The following PCDHA2 variants were observed in gnomAD, a reference collection of about 807,000 sequenced individuals.
PCDHA2 encodes protocadherin alpha 2.
In PCDHA2, 58 loss-of-function variants were observed where a neutral mutation model predicts 66.0. The observed-to-expected ratio is 0.88, with a 90% CI of 0.71 to 1.09. The LOEUF is 1.09. PCDHA2 is among the 50% of genes least tolerant of loss of function. PCDHA2 has a pLI of 0.00. For missense variants in PCDHA2, 1,267 were observed against 1,242.3 expected, an observed-to-expected ratio of 1.02 and a Z score of -0.30; for synonymous variants, 634 against 554.0, an observed-to-expected ratio of 1.14 and a Z score of -2.03.
At chr5:140,825,392 C>A (rs1581821577) in intron 1 of PCDHA2, 1 of 140,308 alleles carries the variant, frequency 7.1e-6, no homozygotes, top group Admixed American at 7.0e-5. Flanking sequence ...TAATATATAT[C>A]TAATATATTA....
At chr5:140,946,241 T>A (rs797039382) in intron 1 of PCDHA2, among the ~76,000 whole-genome samples, 5 of 152,044 alleles carry the variant, frequency 3.3e-5, no homozygotes, top group African/African-American at 1.2e-4. Context: ...ATGCTCAACA[T>A]CATGAATCAT....
chr5:141,011,501 A>G lies in PCDHA2; in HGVS notation c.*1564A>G, dbSNP rs548038544. ...ATATTTCCTTTTGTACACCTGTGAA[A>G]AAGTGGAGTAGTGTTTTTTTAACCA... On this transcript the variant is annotated 3_prime_UTR_variant, in exon 4 of 4. Coordinates refer to ENST00000526136, the MANE Select transcript of PCDHA2 (RefSeq NM_018905.3). 1.3e-5 allele frequency: 2 copies of G among 153,894 alleles called. No individual in the cohort carries two copies. Among genetic ancestry groups the G allele is most frequent in the African/African-American group, 4.8e-5 (2 of 41,578 alleles). 9.5% of individuals were successfully genotyped at this position (153,894 alleles called of 1,614,324 possible).
chr5:140,974,979 C>T (rs782292099), intron 1 of PCDHA2, among the ~76,000 whole-genome samples: 6 of 152,136 alleles, frequency 3.9e-5, no homozygotes, highest in African/African-American at 7.2e-5. Context: ...CTGAGTTGTC[C>T]GCTCAGGTAT....
intron 1 of PCDHA2, chr5:140,884,122 G>A (rs1212118784): frequency 6.2e-7 from 1 of 1,613,306 alleles, no homozygotes; most frequent in East Asian, 2.2e-5. Flanking sequence ...CGGTCGGCGC[G>A]CGCATCCCGT....
chr5:140,928,733 A>G (rs1435823697), intron 1 of PCDHA2: 2 of 1,614,100 alleles, frequency 1.2e-6, no homozygotes, highest in Non-Finnish European at 1.7e-6. Context: ...ATTTCAGCCA[A>G]TATAGGTGAG....
At chr5:140,817,274 T>C (rs1766102843) in intron 1 of PCDHA2, 2 of 152,288 alleles carry the variant, frequency 1.3e-5, no homozygotes, top group African/African-American at 2.4e-5. Context: ...TGAATGGAAC[T>C]GTGCTGCTGG....
chr5:140,809,056 C>A (rs782158159), intron 1 of PCDHA2: 2 of 1,613,762 alleles, frequency 1.2e-6, no homozygotes, highest in Non-Finnish European at 1.7e-6. Flanking sequence ...TCCCGTTCCG[C>A]GTGGGGCTGT....
intron 1 of PCDHA2, chr5:140,870,533 C>T (rs1185177447): frequency 1.2e-6 from 2 of 1,614,050 alleles, no homozygotes; most frequent in East Asian, 2.2e-5. Flanking sequence ...TTCACAGTGT[C>T]GGCGCGGGAC....
chr5:140,824,126 A>G, intron 1 of PCDHA2: 2 of 1,613,742 alleles, frequency 1.2e-6, no homozygotes, highest in South Asian at 1.1e-5. Flanking sequence ...TCTACAGACA[A>G]CGTGAGTTTT....
rs147537783 is a variant in PCDHA2 at position 140,982,491 on chromosome 5, G to C, written c.2464G>C (p.Glu822Gln). 1 of 1,614,076 alleles carries C rather than the reference G, an allele frequency of 6.2e-7. No individual in the cohort carries two copies. Among genetic ancestry groups the C allele is most frequent in the African/African-American group, 1.3e-5 (1 of 74,924 alleles). The change falls in exon 3 of 4, where the codon GAG becomes CAG. Residue 822 changes from glutamate to glutamine, a missense_variant. Physicochemically the swap from Glu to Gln is conservative, Grantham distance 29. Coordinates refer to ENST00000526136, the MANE Select transcript of PCDHA2 (RefSeq NM_018905.3). ...TTTATTCAGCTCTGTGCACCTAGAG[G>C]AGGCTGGCATTCTACGGGCTGGTCC... is the stretch of plus-strand genomic sequence containing the variant. ...AGMHSSVHLE[E>Q]AGILRAGPGG...
chr5:140,841,754 T>C (rs1777466378), intron 1 of PCDHA2: 2 of 1,613,818 alleles, frequency 1.2e-6, no homozygotes, highest in South Asian at 2.2e-5. Context: ...TGTTTCAGAA[T>C]CCAGAATGCC....
chr5:140,858,197 A>T lies in PCDHA2; in HGVS notation c.2388+60845A>T. On this transcript the variant is annotated intron_variant, in intron 1 of 3. Transcript: ENST00000526136. ...GCTGGTGCTCACGCTGCTGCTGTAC[A>T]CTGCACTGAGGTGCTCGGCGGCGCC... is the stretch of plus-strand genomic sequence containing the variant. The T allele has an allele frequency of 1.3e-6, 2 of 1,597,058 alleles. 1 individual carries two copies.
intron 1 of PCDHA2, chr5:140,828,775 G>A (rs1769936182): frequency 1.2e-6 from 2 of 1,614,158 alleles, no homozygotes; most frequent in South Asian, 2.2e-5. Context: ...CTGTTCAGCT[G>A]CTGGTCACAG....
At chr5:140,975,439 T>C (rs1376325988) in intron 1 of PCDHA2, among the ~76,000 whole-genome samples, 2 of 152,222 alleles carry the variant, frequency 1.3e-5, no homozygotes, top group Non-Finnish European at 2.9e-5. Context: ...CACCAGGATA[T>C]AGGGATCTTG....
chr5:140,933,359 C>G (rs2089088301), intron 1 of PCDHA2, among the ~76,000 whole-genome samples: 1 of 151,832 alleles, frequency 6.6e-6, no homozygotes, highest in Non-Finnish European at 1.5e-5. Context: ...TATTTCTAAC[C>G]CATCCCAAAT....
Position 140,875,458 on chromosome 5 carries a change from C to T in PCDHA2, c.2388+78106C>T, listed in dbSNP as rs149655466. ...AAAACTGATTGTCCCAACTCAGAGG[C>T]CCTCATTTTCTGCAATGGTGATTAT... On this transcript the variant is annotated intron_variant, in intron 1 of 3. Transcript: ENST00000526136. The T allele has an allele frequency of 1.1e-3, 1,729 of 1,596,942 alleles. 10 individuals are homozygous for T. In the African/African-American group the frequency reaches 0.015, roughly 14 times the overall value.
chr5:140,795,154 T>C lies in PCDHA2; in HGVS notation c.190T>C (p.Phe64Leu), dbSNP rs782789633. The part of the protein sequence containing the change: ...LELEELVPRL[F>L]RVASKRHGDL... ...GCTGGAGGAGCTGGTGCCGCGCCTGTTCCGGGTGGCGTCCAAAAGACACGG... is the reference window on the plus strand; with the variant it reads ...GCTGGAGGAGCTGGTGCCGCGCCTGCTCCGGGTGGCGTCCAAAAGACACGG... Residue 64 changes from phenylalanine to leucine, a missense_variant, in exon 1 of 4, where the codon TTC becomes CTC. Physicochemically the swap from Phe to Leu is conservative, Grantham distance 22 (BLOSUM62 0). Transcript: ENST00000526136. The C allele has an allele frequency of 4.3e-6, 7 of 1,614,048 alleles. No individual in the cohort carries two copies. The South Asian group carries it at 7.7e-5, about 18-fold the overall frequency.
At chr5:140,928,034 G>A in intron 1 of PCDHA2, 1 of 1,614,206 alleles carries the variant, frequency 6.2e-7, no homozygotes, top group South Asian at 1.1e-5. Flanking sequence ...GGCATGTCTA[G>A]TGCAGGCCCT....
At chr5:140,823,156 G>A (rs2150122926) in intron 1 of PCDHA2, 2 of 1,613,980 alleles carry the variant, frequency 1.2e-6, no homozygotes, top group South Asian at 1.1e-5. Context: ...CCAGTATACC[G>A]TGTTCGTGAA....
Sources: allele counts gnomAD v4.1 joint callset (sites outside exome capture counted in the v4.1 genomes callset), GRCh38; gene constraint gnomAD v4.1.1; transcripts MANE v1.5; gene names NCBI Gene and HGNC (gene_info 2026-07-23, HGNC 2026-07-21).